TRIM71: variants seen among roughly 807,000 people sequenced by gnomAD.
The protein encoded by TRIM71 is E3 ubiquitin-protein ligase TRIM71.
Under a neutral mutation model 61.2 loss-of-function variants are expected in TRIM71, and 9 were observed. The ratio of observed to expected loss-of-function variants is 0.15; its 90% CI spans 0.09 to 0.26. The LOEUF (loss-of-function observed/expected upper bound fraction) is 0.26, where lower values mean the gene tolerates loss of function less well. Ranked by LOEUF, TRIM71 falls within the 10% of genes least tolerant of loss-of-function variation. TRIM71 has a pLI of 1.00. For synonymous variants in TRIM71, 645 were observed against 553.2 expected (o/e 1.17, Z -2.33); for missense variants, 998 against 1,238.7 (o/e 0.81, Z 2.92).
At chr3:32,824,488 C>T (rs1259675892) in intron 1 of TRIM71, among the ~76,000 whole-genome samples, 1 of 151,496 alleles carries the variant, frequency 6.6e-6, no homozygotes. Context: ...AGAGCCACCG[C>T]GCCTGGCCCT....
intron 1 of TRIM71, among the ~76,000 whole-genome samples, chr3:32,831,343 T>C (rs1360479614): frequency 6.6e-6 from 1 of 152,108 alleles, no homozygotes; most frequent in Non-Finnish European, 1.5e-5. Context: ...TAGAGGTGGC[T>C]ACATCTTCCA....
chr3:32,869,492 T>C (rs1261047453), intron 1 of TRIM71, among the ~76,000 whole-genome samples: 1 of 152,226 alleles, frequency 6.6e-6, no homozygotes, highest in Non-Finnish European at 1.5e-5. Context: ...TGTTCCTTGT[T>C]GGGCCACAGA....
chr3:32,837,236 T>A (rs1203795096), intron 1 of TRIM71, among the ~76,000 whole-genome samples: 1 of 152,236 alleles, frequency 6.6e-6, no homozygotes. Context: ...AGCATTGATA[T>A]AAAGGTGTTT....
chr3:32,841,913 C>T lies in TRIM71; in HGVS notation c.852+22981C>T, dbSNP rs544355580. Among the ~76,000 whole-genome samples, 63 of 152,304 alleles carry T rather than the reference C, an allele frequency of 4.1e-4. No homozygotes were observed. The South Asian group carries it at 0.011, about 28-fold the overall frequency. On this transcript the variant is annotated intron_variant, in intron 1 of 3. Transcript: ENST00000383763. ...GAAACTTCTGTACTCAAGTGATCCC[C>T]GGCCTCCCAAAATGCATGTGCCACA...
chr3:32,832,338 G>T (rs979821958), intron 1 of TRIM71, among the ~76,000 whole-genome samples: 2 of 152,162 alleles, frequency 1.3e-5, no homozygotes, highest in Non-Finnish European at 2.9e-5. Flanking sequence ...TGCCCCTGTA[G>T]TCCCAGCTAC....
At chr3:32,873,083 C>CCCTCCCTCCCTCCCTCCCTCCCTT (rs1696815142) in intron 1 of TRIM71, among the ~76,000 whole-genome samples, 2 of 139,558 alleles carry the variant, frequency 1.4e-5, no homozygotes, top group Non-Finnish European at 3.1e-5. Flanking sequence ...CTCCCTCCCT[C>CCCTCCCTCCCTCCCTCCCTCCCTT]CCTCCCTCCC....
At chr3:32,851,187 C>G (rs1696535020) in intron 1 of TRIM71, among the ~76,000 whole-genome samples, 1 of 152,154 alleles carries the variant, frequency 6.6e-6, no homozygotes, top group Non-Finnish European at 1.5e-5. Flanking sequence ...AGCCTTACGT[C>G]TCAATTTCCT....
chr3:32,844,940 A>C (rs952067878), intron 1 of TRIM71, among the ~76,000 whole-genome samples: 10 of 152,344 alleles, frequency 6.6e-5, no homozygotes, highest in Admixed American at 5.9e-4. Context: ...AAGGTAATGA[A>C]GACTGAGTTT....
intron 1 of TRIM71, among the ~76,000 whole-genome samples, chr3:32,840,380 TA>T (rs1159740151): frequency 2.0e-4 from 30 of 152,258 alleles, no homozygotes; most frequent in African/African-American, 7.2e-4. Flanking sequence ...CTGGTTACAG[TA>T]AAAGCCAGTA....
Position 32,862,133 on chromosome 3 carries a change from C to T in TRIM71, c.853-11685C>T, listed in dbSNP as rs190563525. Among the ~76,000 whole-genome samples, 115 of 152,264 alleles carry T rather than the reference C, an allele frequency of 7.6e-4. No individual in the cohort carries two copies. In the Middle Eastern group the frequency reaches 0.014, roughly 18 times the overall value. The stretch of plus-strand genomic sequence containing the variant: ...AAAGGTAACTGGCTCTAGGCCTTAT[C>T]AACCAATAGGACAGTGTAACCTTGA... On this transcript the variant is annotated intron_variant, in intron 1 of 3. Coordinates refer to ENST00000383763, the MANE Select transcript of TRIM71 (RefSeq NM_001039111.3).
chr3:32,833,670 A>AT (rs1553643719), intron 1 of TRIM71, among the ~76,000 whole-genome samples: 3 of 149,518 alleles, frequency 2.0e-5, no homozygotes, highest in Admixed American at 6.6e-5. Context: ...TTATTTATTT[A>AT]TTTATTTTAT....
intron 1 of TRIM71, among the ~76,000 whole-genome samples, chr3:32,865,727 A>G (rs892745183): frequency 6.8e-6 from 1 of 146,508 alleles, no homozygotes; most frequent in African/African-American, 2.6e-5. Flanking sequence ...AAATTCCAGC[A>G]TTCAACTCTG....
chr3:32,856,049 G>C (rs374682061), intron 1 of TRIM71, among the ~76,000 whole-genome samples: 1 of 151,936 alleles, frequency 6.6e-6, no homozygotes, highest in Non-Finnish European at 1.5e-5. Context: ...ACGGAGTCTC[G>C]CTCTGTCACT....
intron 3 of TRIM71, among the ~76,000 whole-genome samples, chr3:32,886,763 T>C (rs1696966138): frequency 6.6e-6 from 1 of 152,188 alleles, no homozygotes; most frequent in South Asian, 2.1e-4. Flanking sequence ...TGTTTCCATC[T>C]CCAAACAATA....
At position 32,891,629 on chromosome 3, in the gene TRIM71, A is replaced by G. The variant is rs200410036; in HGVS notation, c.2425A>G (p.Ile809Val). The G allele has an allele frequency of 1.2e-4, 191 of 1,613,148 alleles. No individual in the cohort carries two copies. Among genetic ancestry groups the G allele is most frequent in the Admixed American group, 1.8e-4 (11 of 59,966 alleles). Residue 809 changes from isoleucine to valine, a missense_variant, in exon 4 of 4, where the codon ATT (isoleucine) becomes GTT (valine). This residue lies in a region of TRIM71 where 95 missense variants were observed against 159.0 expected (regional missense o/e 0.60). Transcript: ENST00000383763. This position sits in a 1 kb window ranked among gnomAD's most constrained non-coding sequence, Gnocchi z 8.2. ...AGCTGTGGACCAGGAAGGGCGCATC[A>G]TTGTGGCGGATTCCAGGAACCATCG... ...GVAVDQEGRI[I>V]VADSRNHRVQ...
rs1472540957 is a variant in TRIM71 at position 32,891,229 on chromosome 3, T to C, written c.2025T>C (p.His675=). Residue 675 remains histidine (H), a synonymous_variant, in exon 4 of 4, where the codon CAT becomes CAC. Coordinates refer to ENST00000383763, the MANE Select transcript of TRIM71 (RefSeq NM_001039111.3). This position sits in a 1 kb window ranked among gnomAD's most constrained non-coding sequence, Gnocchi z 8.2. ...RRIVVADKDN[H]RIQIFTFEGQ... Reference sequence around the variant, plus strand: ...TCGTGGTGGCTGACAAGGACAATCATCGCATCCAGATCTTCACGTTCGAGG... The same window carrying C: ...TCGTGGTGGCTGACAAGGACAATCACCGCATCCAGATCTTCACGTTCGAGG... 6.2e-7 allele frequency: 1 copy of C among 1,613,256 alleles called. No individual in the cohort carries two copies. The highest frequency in any genetic ancestry group is 8.5e-7 in the Non-Finnish European group (1 of 1,179,478).
intron 1 of TRIM71, among the ~76,000 whole-genome samples, chr3:32,843,279 G>T (rs1399754479): frequency 6.6e-6 from 1 of 152,110 alleles, no homozygotes. Flanking sequence ...TGAAGGTAAT[G>T]GTAATTGAGG....
At chr3:32,882,957 G>C (rs1017386461) in intron 2 of TRIM71, among the ~76,000 whole-genome samples, 1 of 152,220 alleles carries the variant, frequency 6.6e-6, no homozygotes, top group Non-Finnish European at 1.5e-5. Flanking sequence ...CTGGGTTCTT[G>C]TAACCACAGC....
intron 1 of TRIM71, among the ~76,000 whole-genome samples, chr3:32,845,183 G>A (rs1696457826): frequency 6.6e-6 from 1 of 152,190 alleles, no homozygotes; most frequent in Admixed American, 6.5e-5. Context: ...ATGCTGTGCT[G>A]TGGAGGGGAG....
Sources: gnomAD v4.1 joint callset for allele counts (sites outside exome capture counted in the v4.1 genomes callset) on GRCh38, gnomAD v4.1.1 for gene constraint, gnomAD v4.1.1 regional missense constraint, Gnocchi (gnomAD v3.1) non-coding constraint, MANE v1.5 for transcripts, NCBI Gene and HGNC (gene_info 2026-07-23, HGNC 2026-07-21) for gene names.